The following FNDC3B variants were observed in gnomAD, a reference collection of about 807,000 sequenced individuals.
The protein encoded by FNDC3B is fibronectin type III domain containing 3B.
FNDC3B carries 12 observed loss-of-function variants against 151.5 expected under a neutral mutation model. The ratio of observed to expected loss-of-function variants is 0.08; its 90% confidence interval spans 0.05 to 0.13. The LOEUF (loss-of-function observed/expected upper bound fraction) is 0.13, where lower values mean the gene tolerates loss of function less well. Among genes scored for constraint, FNDC3B ranks in the 10% least tolerant of loss-of-function variants. The probability of loss-of-function intolerance (pLI) is 1.00; values close to 1 mark genes in which losing one functional copy is unlikely to be tolerated. For synonymous variants in FNDC3B, 528 were observed against 549.0 expected (o/e 0.96, Z 0.54); for missense variants, 1,214 against 1,505.3 (o/e 0.81, Z 3.20).
intron 2 of FNDC3B, among the ~76,000 whole-genome samples, chr3:172,127,821 A>G (rs1432525430): frequency 1.3e-5 from 2 of 151,718 alleles, no homozygotes; most frequent in Non-Finnish European, 2.9e-5. Flanking sequence ...ACCCACCATT[A>G]CCCCCGGCTA....
chr3:172,378,300 C>T lies in FNDC3B; in HGVS notation c.3039C>T (p.His1013=), dbSNP rs937648239. ...TTTCAATCTACAGAGGACCCAGCCA[C>T]ACCTACAAGGTCCAGAGACTGACGG... is the stretch of plus-strand genomic sequence containing the variant. ...RFISIYRGPS[H]TYKVQRLTEF... Residue 1013 remains histidine, a synonymous_variant, in exon 24 of 26, where the codon CAC becomes CAT. Transcript: ENST00000415807. The T allele has an allele frequency of 1.9e-6, 3 of 1,611,060 alleles. No homozygotes were observed. Among genetic ancestry groups the T allele is most frequent in the Admixed American group, 1.7e-5 (1 of 59,092 alleles).
At chr3:172,330,321 C>T (rs1409494894) in intron 12 of FNDC3B, 27 of 464,204 alleles carry the variant, frequency 5.8e-5, no homozygotes, top group South Asian at 5.2e-4. Flanking sequence ...TGTATATTGT[C>T]CTGTGACTTG....
intron 1 of FNDC3B, among the ~76,000 whole-genome samples, chr3:172,078,117 A>G (rs1021505915): frequency 1.3e-5 from 2 of 152,120 alleles, no homozygotes; most frequent in African/African-American, 4.8e-5. Flanking sequence ...AATAGCTGGG[A>G]TTACAGGCCG....
chr3:172,380,584 C>G (rs1363740130), intron 24 of FNDC3B, among the ~76,000 whole-genome samples: 1 of 152,186 alleles, frequency 6.6e-6, no homozygotes. Flanking sequence ...TCTCCCCTTC[C>G]TTCAACTAAC....
intron 3 of FNDC3B, among the ~76,000 whole-genome samples, chr3:172,175,685 A>G (rs78265200): frequency 0.021 from 3,130 of 152,340 alleles, 113 homozygotes; most frequent in African/African-American, 0.071. Flanking sequence ...AGCAGAATTT[A>G]CACAGACAAC....
chr3:172,267,484 C>T (rs189040497), intron 6 of FNDC3B, among the ~76,000 whole-genome samples: 4 of 152,280 alleles, frequency 2.6e-5, no homozygotes, highest in East Asian at 3.9e-4. Context: ...CTAGTTTAAG[C>T]AGTTCATAAA....
chr3:172,108,598 C>T (rs2108534028), intron 1 of FNDC3B, among the ~76,000 whole-genome samples: 1 of 152,366 alleles, frequency 6.6e-6, no homozygotes, highest in South Asian at 2.1e-4. Flanking sequence ...TTTTGGGTTG[C>T]TGTGACTATA....
At chr3:172,169,286 G>A (rs1348536721) in intron 3 of FNDC3B, among the ~76,000 whole-genome samples, 1 of 152,242 alleles carries the variant, frequency 6.6e-6, no homozygotes, top group Admixed American at 6.5e-5. Flanking sequence ...AAGTGAAGGG[G>A]TTGCCTGAGC....
Position 172,291,243 on chromosome 3 carries a change from A to G in FNDC3B, c.850-4120A>G, listed in dbSNP as rs528656569. Among the ~76,000 whole-genome samples, 22 of 152,360 alleles carry G rather than the reference A, an allele frequency of 1.4e-4. 1 individual carries two copies. In the South Asian group the frequency reaches 2.3e-3, roughly 16 times the overall value. On this transcript the variant is annotated intron_variant, in intron 7 of 25. Coordinates refer to ENST00000415807, the MANE Select transcript of FNDC3B (RefSeq NM_022763.4). ...ACACACATATAGAACAACTGCTTTC[A>G]AGTTGGAATCTACATTTAATAAATA...
At position 172,276,672 on chromosome 3, in the gene FNDC3B, G is replaced by T. The variant is rs985360218; in HGVS notation, c.791-9254G>T. On this transcript the variant is annotated intron_variant, in intron 6 of 25. Coordinates refer to ENST00000415807, the MANE Select transcript of FNDC3B (RefSeq NM_022763.4). ...CACCTAATAGTTCAAACAGCAGTGT[G>T]CATGTTCTCATGTCATACGATGGGA... 4.6e-5 allele frequency among the ~76,000 whole-genome samples: 7 copies of T among 152,180 alleles called. No individual in the cohort carries two copies. The South Asian group carries it at 1.0e-3, about 22-fold the overall frequency.
intron 3 of FNDC3B, among the ~76,000 whole-genome samples, chr3:172,171,433 A>AT (rs1211570576): frequency 6.6e-6 from 1 of 152,022 alleles, no homozygotes; most frequent in East Asian, 1.9e-4. Context: ...GATGCCCAGT[A>AT]TTTTTTTCTC....
In FNDC3B at chr3:172,352,870, CT is replaced by C; in HGVS notation, c.2583del (p.Asp862ThrfsTer27). The C allele has an allele frequency of 6.2e-7, 1 of 1,614,214 alleles. No homozygotes were observed. Among genetic ancestry groups the C allele is most frequent in the Non-Finnish European group, 8.5e-7 (1 of 1,180,016 alleles). Reference sequence around the variant, plus strand: ...CTTTGCCAGACGCCAGCGTCTGCCCCTGACCCCGTCTCCACTCTCTGTGTCC... The same window carrying C: ...CTTTGCCAGACGCCAGCGTCTGCCCCGACCCCGTCTCCACTCTCTGTGTCC... ...LVLCQTPASA[P>X]DPVSTLCVLE... On this transcript the variant is annotated frameshift_variant, in exon 22 of 26. Coordinates refer to ENST00000415807, the MANE Select transcript of FNDC3B (RefSeq NM_022763.4). LOFTEE classifies it high-confidence loss of function. The surrounding 1 kb of genome is among the most constrained non-coding windows in gnomAD (Gnocchi z 4.2).
chr3:172,116,451 T>A (rs1720252395), intron 2 of FNDC3B, among the ~76,000 whole-genome samples: 1 of 152,218 alleles, frequency 6.6e-6, no homozygotes, highest in Admixed American at 6.5e-5. Context: ...CCGTCCTAGG[T>A]AACCACTAAT....
intron 6 of FNDC3B, among the ~76,000 whole-genome samples, chr3:172,262,109 G>GA (rs1349703637): frequency 1.3e-5 from 2 of 152,200 alleles, no homozygotes; most frequent in Admixed American, 1.3e-4. Context: ...CAAGTGGAAT[G>GA]AAAGGAGCAC....
intron 3 of FNDC3B, among the ~76,000 whole-genome samples, chr3:172,203,387 A>T (rs902432132): frequency 3.5e-4 from 53 of 152,366 alleles, no homozygotes; most frequent in African/African-American, 1.2e-3. Flanking sequence ...AAGACAGGAC[A>T]TCGGTTTGTC....
chr3:172,358,875 C>T (rs1734221520), intron 22 of FNDC3B, among the ~76,000 whole-genome samples: 1 of 151,384 alleles, frequency 6.6e-6, no homozygotes, highest in Non-Finnish European at 1.5e-5. Flanking sequence ...CAATAATTTC[C>T]CCAAGGTCTC....
chr3:172,358,951 T>G (rs1247103845), intron 22 of FNDC3B, among the ~76,000 whole-genome samples: 2 of 120,506 alleles, frequency 1.7e-5, no homozygotes, highest in Admixed American at 2.0e-4. Context: ...TACCACAGTT[T>G]TCTTGGTGGT....
intron 2 of FNDC3B, among the ~76,000 whole-genome samples, chr3:172,113,302 T>C (rs1720070775): frequency 6.6e-6 from 1 of 152,254 alleles, no homozygotes; most frequent in Non-Finnish European, 1.5e-5. Flanking sequence ...ATTTTTATTT[T>C]GTGAAAAGTA....
intron 25 of FNDC3B, among the ~76,000 whole-genome samples, chr3:172,388,167 C>T (rs1735816807): frequency 6.6e-6 from 1 of 152,124 alleles, no homozygotes; most frequent in African/African-American, 2.4e-5. Context: ...GGAGGGGTGA[C>T]ATTAGTAAAG....
Sources: gnomAD v4.1 joint callset for allele counts (sites outside exome capture counted in the v4.1 genomes callset) on GRCh38, gnomAD v4.1.1 for gene constraint, Gnocchi (gnomAD v3.1) non-coding constraint, MANE v1.5 for transcripts, NCBI Gene and HGNC (gene_info 2026-07-23, HGNC 2026-07-21) for gene names.